TCAIM: variants seen among roughly 807,000 people sequenced by gnomAD.
TCAIM encodes T-cell activation inhibitor, mitochondrial.
Under a neutral mutation model 58.6 loss-of-function variants are expected in TCAIM, and 36 were observed. That is an observed-to-expected ratio of 0.61 (90% CI 0.47 to 0.81). The LOEUF (loss-of-function observed/expected upper bound fraction) is 0.81. TCAIM is among the 30% of genes least tolerant of loss of function. TCAIM has a pLI of 0.00. For missense variants in TCAIM, 466 were observed against 579.6 expected, an observed-to-expected ratio of 0.80 and a Z score of 2.01; for synonymous variants, 172 against 193.6, an observed-to-expected ratio of 0.89 and a Z score of 0.93.
At chr3:44,351,330 TG>T (rs1414646826) in intron 1 of TCAIM, among the ~76,000 whole-genome samples, 1 of 151,684 alleles carries the variant, frequency 6.6e-6, no homozygotes, top group Non-Finnish European at 1.5e-5. Context: ...CATGAGCCTC[TG>T]CATCTAGCCC....
intron 5 of TCAIM, among the ~76,000 whole-genome samples, chr3:44,389,255 A>C (rs1389209780): frequency 6.6e-6 from 1 of 152,218 alleles, no homozygotes; most frequent in Non-Finnish European, 1.5e-5. Flanking sequence ...GTGCCACTGC[A>C]CTCCAGCCTG....
chr3:44,377,026 C>T (rs987380078), intron 5 of TCAIM, among the ~76,000 whole-genome samples: 4 of 152,074 alleles, frequency 2.6e-5, no homozygotes, highest in African/African-American at 9.7e-5. Flanking sequence ...GGAGGCGGAG[C>T]TTGCAGTGAG....
At chr3:44,404,808 AT>A (rs113556572) in intron 10 of TCAIM, among the ~76,000 whole-genome samples, 19,511 of 139,076 alleles carry the variant, frequency 0.14, 1,395 homozygotes, top group Admixed American at 0.17. Flanking sequence ...AGTTTTTGCC[AT>A]TTTTTTATGG....
At chr3:44,400,917 G>A (rs996820409) in intron 9 of TCAIM, 14 of 483,484 alleles carry the variant, frequency 2.9e-5, no homozygotes, top group Non-Finnish European at 3.7e-5. Context: ...GCACTGTGCT[G>A]GGTACTTATA....
intron 1 of TCAIM, among the ~76,000 whole-genome samples, chr3:44,341,676 G>GA (rs964985461): frequency 6.6e-6 from 1 of 152,100 alleles, no homozygotes; most frequent in Non-Finnish European, 1.5e-5. Flanking sequence ...ACATTAGATG[G>GA]AAAAAAATTA....
chr3:44,373,281 T>G (rs976429508), intron 5 of TCAIM, among the ~76,000 whole-genome samples: 14 of 152,194 alleles, frequency 9.2e-5, no homozygotes, highest in African/African-American at 1.4e-4. Context: ...ATGTATATTT[T>G]AAGGCATGGT....
intron 3 of TCAIM, among the ~76,000 whole-genome samples, 165 bp from the exon 4 acceptor site, chr3:44,361,200 G>C (rs910457454): frequency 3.9e-5 from 6 of 152,146 alleles, no homozygotes; most frequent in Non-Finnish European, 5.9e-5. Flanking sequence ...CATGTTGTGA[G>C]ATGTAGATCC....
intron 1 of TCAIM, among the ~76,000 whole-genome samples, chr3:44,345,192 G>A (rs1700941328): frequency 6.6e-6 from 1 of 152,144 alleles, no homozygotes; most frequent in Non-Finnish European, 1.5e-5. Context: ...TTAAGCTGAA[G>A]GAAGATTCTG....
At chr3:44,343,933 G>A (rs570362725) in intron 1 of TCAIM, among the ~76,000 whole-genome samples, 5 of 151,728 alleles carry the variant, frequency 3.3e-5, no homozygotes, top group South Asian at 2.1e-4. Context: ...ATTACAAAGC[G>A]ATTAGTGGAT....
rs747408962 is a variant in TCAIM, at chr3:44,400,350, T to C, written c.886-5T>C. 2 of 1,609,428 alleles carry C rather than the reference T, an allele frequency of 1.2e-6. No individual in the cohort carries two copies. Among genetic ancestry groups the C allele is most frequent in the Non-Finnish European group, 1.7e-6 (2 of 1,176,452 alleles). Reference sequence around the variant, plus strand: ...ATTATTTCTTTCCCTTTGTTAACACTGTAGCTTTTTGAAAGATTGCCAAGT... The same window carrying C: ...ATTATTTCTTTCCCTTTGTTAACACCGTAGCTTTTTGAAAGATTGCCAAGT... On this transcript the variant is annotated splice_polypyrimidine_tract_variant and splice_region_variant and intron_variant, in intron 8 of 10. Transcript: ENST00000342649.
intron 1 of TCAIM, among the ~76,000 whole-genome samples, chr3:44,354,056 A>G (rs1213404090): frequency 6.6e-6 from 1 of 152,142 alleles, no homozygotes; most frequent in African/African-American, 2.4e-5. Flanking sequence ...AGCATTTTAT[A>G]TTTAGGTCTG....
chr3:44,341,929 T>C (rs1163321508), intron 1 of TCAIM, among the ~76,000 whole-genome samples: 34 of 152,326 alleles, frequency 2.2e-4, no homozygotes, highest in Admixed American at 2.2e-3. Context: ...ATTTCACCTT[T>C]TAGAAAAGTC....
chr3:44,362,712 G>C, intron 4 of TCAIM: 1 of 295,432 alleles, frequency 3.4e-6, no homozygotes, highest in Non-Finnish European at 6.2e-6. Context: ...GAAGAATGCT[G>C]TAAATAATGA....
intron 1 of TCAIM, among the ~76,000 whole-genome samples, chr3:44,349,053 T>C (rs1228071332): frequency 2.6e-5 from 4 of 151,840 alleles, no homozygotes; most frequent in African/African-American, 9.7e-5. Flanking sequence ...TAAGGAAGAA[T>C]TGGGACCTGG....
At chr3:44,364,672 G>A (rs1292177863) in intron 4 of TCAIM, among the ~76,000 whole-genome samples, 2 of 151,728 alleles carry the variant, frequency 1.3e-5, no homozygotes, top group African/African-American at 2.4e-5. Flanking sequence ...AGCCCAGGGG[G>A]CAGAGGTTGC....
chr3:44,346,628 G>A (rs532534534), intron 1 of TCAIM, among the ~76,000 whole-genome samples: 43 of 152,210 alleles, frequency 2.8e-4, no homozygotes, highest in Non-Finnish European at 5.6e-4. Flanking sequence ...TAAGAGGCAC[G>A]CTAGCGGCTT....
intron 2 of TCAIM, among the ~76,000 whole-genome samples, chr3:44,357,245 G>A (rs1419651710): frequency 6.6e-6 from 1 of 151,828 alleles, no homozygotes; most frequent in African/African-American, 2.4e-5. Flanking sequence ...GCACGTGCCT[G>A]TAGTTCCAGC....
At chr3:44,398,078 CATGAA>C (rs1466062294) in intron 8 of TCAIM, among the ~76,000 whole-genome samples, 22 of 151,094 alleles carry the variant, frequency 1.5e-4, no homozygotes, top group Non-Finnish European at 1.5e-5. Context: ...AAAACGGTGA[CATGAA>C]ATGACATGTT....
At chr3:44,364,938 C>T (rs1309533282) in intron 4 of TCAIM, among the ~76,000 whole-genome samples, 4 of 152,042 alleles carry the variant, frequency 2.6e-5, no homozygotes, top group South Asian at 4.1e-4. Flanking sequence ...GAATTCTCTC[C>T]CCAAAGCCAC....
Sources: gnomAD v4.1 joint callset for allele counts (sites outside exome capture counted in the v4.1 genomes callset) on GRCh38, gnomAD v4.1.1 for gene constraint, MANE v1.5 for transcripts, NCBI Gene and HGNC (gene_info 2026-07-23, HGNC 2026-07-21) for gene names.